The following CFAP20DC variants were observed in gnomAD, a reference collection of about 807,000 sequenced individuals.
The protein encoded by CFAP20DC is protein CFAP20DC.
A neutral mutation model predicts 101.7 loss-of-function variants in CFAP20DC; 84 were observed. That is an observed-to-expected ratio of 0.83 (90% CI 0.69 to 0.99). CFAP20DC has a LOEUF of 0.99. Ranked by LOEUF, CFAP20DC falls within the 50% of genes least tolerant of loss-of-function variation. The probability of loss-of-function intolerance (pLI) is 0.00; values close to 1 mark genes in which losing one functional copy is unlikely to be tolerated. For synonymous variants in CFAP20DC, 359 were observed against 351.2 expected, an observed-to-expected ratio of 1.02 and a Z score of -0.25; for missense variants, 1,007 against 970.3, an observed-to-expected ratio of 1.04 and a Z score of -0.50.
intron 4 of CFAP20DC, among the ~76,000 whole-genome samples, chr3:58,938,702 G>A (rs189653113): frequency 7.7e-4 from 117 of 151,378 alleles, no homozygotes; most frequent in Non-Finnish European, 1.3e-3. Flanking sequence ...CAGCACTTCC[G>A]TTCCCCCTCC....
intron 2 of CFAP20DC, 77 bp from the exon 3 acceptor site, chr3:59,046,399 C>A: frequency 1.1e-6 from 1 of 900,152 alleles, no homozygotes; most frequent in Non-Finnish European, 1.7e-6. Context: ...AACTTCAGAT[C>A]TACAGGGAAA....
chr3:59,048,739 CG>C (rs1382965488), intron 1 of CFAP20DC, among the ~76,000 whole-genome samples: 1 of 151,978 alleles, frequency 6.6e-6, no homozygotes, highest in Admixed American at 6.6e-5. Flanking sequence ...GAGGTGGAGA[CG>C]GGTAGAGAAC....
intron 14 of CFAP20DC, among the ~76,000 whole-genome samples, chr3:58,813,858 G>A (rs138678934): frequency 2.0e-5 from 3 of 151,792 alleles, no homozygotes; most frequent in South Asian, 2.1e-4. Flanking sequence ...GGAGAACAGT[G>A]GAAGGAAAAA....
At chr3:58,781,724 G>C (rs1181925775) in intron 15 of CFAP20DC, among the ~76,000 whole-genome samples, 1 of 151,962 alleles carries the variant, frequency 6.6e-6, no homozygotes, top group Non-Finnish European at 1.5e-5. Context: ...AAACTATCAA[G>C]ATTAAATCAA....
chr3:58,920,228 C>G (rs912947236), intron 5 of CFAP20DC, among the ~76,000 whole-genome samples: 2 of 151,706 alleles, frequency 1.3e-5, no homozygotes, highest in Admixed American at 1.3e-4. Context: ...ACAGCTGGGA[C>G]CACAGCCATA....
intron 13 of CFAP20DC, among the ~76,000 whole-genome samples, chr3:58,838,182 T>C (rs1219945203): frequency 6.6e-6 from 1 of 152,160 alleles, no homozygotes; most frequent in Non-Finnish European, 1.5e-5. Context: ...AGGAGTAAAT[T>C]AAAGCTTAAA....
At chr3:58,762,085 A>G in intron 15 of CFAP20DC, among the ~76,000 whole-genome samples, 1 of 152,012 alleles carries the variant, frequency 6.6e-6, no homozygotes, top group Non-Finnish European at 1.5e-5. Context: ...CAATTCCTGG[A>G]TATGCTTGTT....
intron 15 of CFAP20DC, among the ~76,000 whole-genome samples, chr3:58,754,334 T>C (rs2068777683): frequency 6.6e-6 from 1 of 152,140 alleles, no homozygotes; most frequent in Non-Finnish European, 1.5e-5. Context: ...TCAGTCTCTC[T>C]TAACTCGGGG....
intron 15 of CFAP20DC, among the ~76,000 whole-genome samples, chr3:58,758,484 C>G (rs763758301): frequency 6.6e-6 from 1 of 152,002 alleles, no homozygotes. Context: ...CCATACTTGC[C>G]CCTTGGACTT....
chr3:58,981,257 A>G (rs1469201502), intron 4 of CFAP20DC, among the ~76,000 whole-genome samples: 1 of 152,186 alleles, frequency 6.6e-6, no homozygotes, highest in Admixed American at 6.5e-5. Context: ...GGAAGAATCA[A>G]TATCGTGAAA....
At chr3:58,921,840 A>G (rs938260276) in intron 5 of CFAP20DC, among the ~76,000 whole-genome samples, 2 of 152,088 alleles carry the variant, frequency 1.3e-5, no homozygotes, top group African/African-American at 2.4e-5. Flanking sequence ...TTCTGTGTTT[A>G]GTTTTGTTAG....
intron 14 of CFAP20DC, among the ~76,000 whole-genome samples, chr3:58,819,464 C>T (rs1217747934): frequency 1.3e-5 from 2 of 149,818 alleles, no homozygotes; most frequent in Non-Finnish European, 3.0e-5. Flanking sequence ...GGGGATATCA[C>T]CACCGATCCC....
chr3:58,955,784 T>C (rs2090571593), intron 4 of CFAP20DC, among the ~76,000 whole-genome samples: 1 of 151,646 alleles, frequency 6.6e-6, no homozygotes, highest in South Asian at 2.1e-4. Context: ...CTGCACAGTT[T>C]GTAGCTCCTT....
chr3:58,817,533 G>A (rs1398181330), intron 14 of CFAP20DC, among the ~76,000 whole-genome samples: 11 of 145,274 alleles, frequency 7.6e-5, no homozygotes, highest in Admixed American at 2.8e-4. Context: ...TGGAAGAAAG[G>A]GTATCAGCAA....
rs1441231487 is a variant in CFAP20DC at position 58,742,308 on chromosome 3, G to A, written c.*152C>T. On this transcript the variant is annotated 3_prime_UTR_variant, in exon 17 of 17. Transcript: ENST00000482387. ...CAAAAGGAATATAGGTATTCTTAAC[G>A]TTGAACATTATTTACAAAATGAATT... 9.7e-6 allele frequency: 12 copies of A among 1,243,190 alleles called. No homozygotes were observed. The highest frequency in any genetic ancestry group is 3.3e-5 in the East Asian group (1 of 30,402). The allele number at this position is 1,243,190 out of a possible 1,614,324, so 77.0% of individuals were successfully genotyped here. A position where few individuals can be genotyped will look rare whatever the true frequency, so the allele number is the denominator to read the frequency against.
intron 3 of CFAP20DC, among the ~76,000 whole-genome samples, chr3:59,041,625 A>G (rs1273653996): frequency 6.6e-6 from 1 of 152,184 alleles, no homozygotes; most frequent in East Asian, 1.9e-4. Flanking sequence ...CATCAAGTAC[A>G]TAAAATTCAT....
intron 6 of CFAP20DC, among the ~76,000 whole-genome samples, chr3:58,890,127 G>A (rs1250341331): frequency 3.4e-5 from 5 of 148,276 alleles, no homozygotes; most frequent in East Asian, 2.0e-4. Context: ...CAGTAGGGGC[G>A]GCCGGGCAGA....
chr3:58,914,411 A>G lies in CFAP20DC; in HGVS notation c.394-547T>C, dbSNP rs2084461139. ...TTATGCTGGGTATTTGCCAGTTTTT[A>G]AAGTACTCTTGCAGGGACTAATTTC... On this transcript the variant is annotated intron_variant, in intron 5 of 16. Transcript: ENST00000482387. The surrounding 1 kb of genome is among the most constrained non-coding windows in gnomAD (Gnocchi z 4.9). Among the ~76,000 whole-genome samples, 1 of 152,136 alleles carries G rather than the reference A, an allele frequency of 6.6e-6. No homozygotes were observed. The highest frequency in any genetic ancestry group is 2.1e-4 in the South Asian group (1 of 4,836).
chr3:58,906,035 C>T (rs1189545084), intron 6 of CFAP20DC, among the ~76,000 whole-genome samples: 1 of 152,174 alleles, frequency 6.6e-6, no homozygotes, highest in Non-Finnish European at 1.5e-5. Flanking sequence ...AATAGTGTGA[C>T]ATTGTGCACC....
Sources: gnomAD v4.1 joint callset for allele counts (sites outside exome capture counted in the v4.1 genomes callset) on GRCh38, gnomAD v4.1.1 for gene constraint, Gnocchi (gnomAD v3.1) non-coding constraint, MANE v1.5 for transcripts, NCBI Gene and HGNC (gene_info 2026-07-23, HGNC 2026-07-21) for gene names.